TBCD: variants seen among roughly 807,000 people sequenced by gnomAD.
TBCD encodes tubulin-specific chaperone D.
TBCD carries 105 observed loss-of-function variants against 169.3 expected under a neutral mutation model. The observed-to-expected ratio is 0.62, with a 90% CI of 0.53 to 0.73. TBCD has a LOEUF of 0.73. TBCD is among the 30% of genes least tolerant of loss of function. TBCD has a pLI of 0.00. For synonymous variants in TBCD, 700 were observed against 643.9 expected (o/e 1.09, Z -1.32); for missense variants, 1,444 against 1,600.1 (o/e 0.90, Z 1.66).
At chr17:82,838,601 T>G (rs2054188061) in intron 13 of TBCD, 1 of 973,240 alleles carries the variant, frequency 1.0e-6, no homozygotes, top group Non-Finnish European at 1.2e-6. Context: ...CTACCCACTG[T>G]GATGTCGCAA....
chr17:82,852,315 C>G (rs1427515918), intron 13 of TBCD, among the ~76,000 whole-genome samples: 2 of 152,138 alleles, frequency 1.3e-5, no homozygotes, highest in Non-Finnish European at 2.9e-5. Flanking sequence ...CAGCAGTGCT[C>G]CTTTTCTTTT....
At position 82,789,983 on chromosome 17, in the gene TBCD, A is replaced by G. The variant is rs1426333644; in HGVS notation, c.772-7774A>G. Among the ~76,000 whole-genome samples the G allele has an allele frequency of 6.6e-6, 1 of 151,876 alleles. No individual in the cohort carries two copies. Among genetic ancestry groups the G allele is most frequent in the East Asian group, 1.9e-4 (1 of 5,158 alleles). ...CCGTGTTCCCTCCCGCTGTCCGCTC[A>G]CACCTGCCTGTGTGGACGTGGCTCT... On this transcript the variant is annotated intron_variant, in intron 7 of 38. Coordinates refer to ENST00000355528, the MANE Select transcript of TBCD (RefSeq NM_005993.5). This position sits in a 1 kb window ranked among gnomAD's most constrained non-coding sequence, Gnocchi z 4.8.
intron 16 of TBCD, among the ~76,000 whole-genome samples, chr17:82,891,277 G>C (rs1432835600): frequency 4.6e-5 from 7 of 152,208 alleles, no homozygotes; most frequent in Non-Finnish European, 1.5e-5. Context: ...GAAAGGAAAG[G>C]CCTTTACACT....
chr17:82,831,363 C>A lies in TBCD; in HGVS notation c.1318+16429C>A. 1 of 1,614,110 alleles carries A rather than the reference C, an allele frequency of 6.2e-7. No homozygotes were observed. Among genetic ancestry groups the A allele is most frequent in the East Asian group, 2.2e-5 (1 of 44,886 alleles). ...TTCTGTTGGGGTCCGAAGGGTTTAA[C>A]CTGGAAGGACTCGAGGCTGGATAGA... On this transcript the variant is annotated intron_variant, in intron 13 of 38. Coordinates refer to ENST00000355528, the MANE Select transcript of TBCD (RefSeq NM_005993.5). The surrounding 1 kb of genome is among the most constrained non-coding windows in gnomAD (Gnocchi z 4.6).
chr17:82,809,753 T>C lies in TBCD; in HGVS notation c.1194T>C (p.Asp398=). The C allele has an allele frequency of 6.2e-7, 1 of 1,613,576 alleles. No homozygotes were observed. The highest frequency in any genetic ancestry group is 1.3e-5 in the African/African-American group (1 of 75,026). The change falls in exon 12 of 39, where the codon GAT becomes GAC. Residue 398 remains aspartate, a synonymous_variant. Coordinates refer to ENST00000355528, the MANE Select transcript of TBCD (RefSeq NM_005993.5). ...AGRLPRALAD[D]VVGSVLDCFS... is the part of the protein sequence containing the mutation. ...GGCTTCCCAGAGCCCTGGCGGATGA[T>C]GTGGTCGGGTCTGTGCTGGACTGCT...
intron 17 of TBCD, among the ~76,000 whole-genome samples, chr17:82,897,362 G>A (rs1054412193): frequency 2.8e-4 from 42 of 151,876 alleles, no homozygotes; most frequent in African/African-American, 9.4e-4. Flanking sequence ...TACCAAAAAT[G>A]CAAAAATTAG....
rs1366294768 is a variant in TBCD at position 82,870,215 on chromosome 17, C to T, written c.1319-9C>T. On this transcript the variant is annotated splice_polypyrimidine_tract_variant and intron_variant, in intron 13 of 38. Coordinates refer to ENST00000355528, the MANE Select transcript of TBCD (RefSeq NM_005993.5). ...GCTCCTCACCGTCTTTTCTCTTGTC[C>T]TTGCCCAGTTGTCGCCGTGATCCTG... is the stretch of plus-strand genomic sequence containing the variant. The T allele has an allele frequency of 6.2e-7, 1 of 1,612,726 alleles. No individual in the cohort carries two copies. Among genetic ancestry groups the T allele is most frequent in the East Asian group, 2.2e-5 (1 of 44,870 alleles).
At chr17:82,838,795 C>G in intron 13 of TBCD, 1 of 985,136 alleles carries the variant, frequency 1.0e-6, no homozygotes. Flanking sequence ...GGGCTCTTAA[C>G]TCTAGTTTCG....
At chr17:82,840,823 G>A (rs892841468) in intron 13 of TBCD, among the ~76,000 whole-genome samples, 4 of 152,332 alleles carry the variant, frequency 2.6e-5, no homozygotes, top group African/African-American at 9.6e-5. Flanking sequence ...AGGCTGGCAT[G>A]TGGTGTCGGT....
chr17:82,810,757 C>T (rs1227862126), intron 12 of TBCD, among the ~76,000 whole-genome samples: 2 of 152,346 alleles, frequency 1.3e-5, no homozygotes, highest in East Asian at 3.9e-4. Flanking sequence ...TGCTGTTGCT[C>T]TTCATTAGCC....
In TBCD at chr17:82,930,039, C is replaced by T. The variant is rs1043704784; in HGVS notation, c.2992-483C>T. On this transcript the variant is annotated intron_variant, in intron 32 of 38. Coordinates refer to ENST00000355528, the MANE Select transcript of TBCD (RefSeq NM_005993.5). This position sits in a 1 kb window ranked among gnomAD's most constrained non-coding sequence, Gnocchi z 5.2. ...GACAGCTGCTAAGTCCTAGAAAACA[C>T]GTAACAGGACGTGAGGTGCCCTCTG... 1.9e-5 allele frequency: 5 copies of T among 262,362 alleles called. No individual in the cohort carries two copies. The highest frequency in any genetic ancestry group is 9.6e-5 in the South Asian group (2 of 20,832). 16.3% of individuals were successfully genotyped at this position (262,362 alleles called of 1,614,324 possible). A position where few individuals can be genotyped will look rare whatever the true frequency, so the allele number is the denominator to read the frequency against.
intron 14 of TBCD, among the ~76,000 whole-genome samples, chr17:82,878,299 T>C (rs925255626): frequency 3.3e-5 from 5 of 152,208 alleles, no homozygotes; most frequent in African/African-American, 1.2e-4. Flanking sequence ...TGCCATAAAA[T>C]TCACCCCTTT....
At chr17:82,919,136 G>C (rs554053435) in intron 23 of TBCD, among the ~76,000 whole-genome samples, 109 of 152,216 alleles carry the variant, frequency 7.2e-4, no homozygotes, top group East Asian at 3.1e-3. Flanking sequence ...TTACGGGGGG[G>C]GCCCAGAGTC....
chr17:82,851,606 T>A (rs1313380752), intron 13 of TBCD, among the ~76,000 whole-genome samples: 1 of 152,186 alleles, frequency 6.6e-6, no homozygotes, highest in Non-Finnish European at 1.5e-5. Context: ...AGGTTCACTC[T>A]GCACAGGGCG....
At chr17:82,863,842 G>C (rs2056967781) in intron 13 of TBCD, among the ~76,000 whole-genome samples, 1 of 152,340 alleles carries the variant, frequency 6.6e-6, no homozygotes, top group African/African-American at 2.4e-5. Flanking sequence ...GGTGATGGGG[G>C]CAGAGAGGGT....
In TBCD at chr17:82,942,727, C is replaced by A. The variant is rs1475038883; in HGVS notation, c.*264C>A. On this transcript the variant is annotated 3_prime_UTR_variant, in exon 39 of 39. Coordinates refer to ENST00000355528, the MANE Select transcript of TBCD (RefSeq NM_005993.5). ...GAAGTTCCTGCCTTTTGTCTCTGAGCCTGATGTGTGTAGGGGTGATGGAAA... is the reference window on the plus strand; with the variant it reads ...GAAGTTCCTGCCTTTTGTCTCTGAGACTGATGTGTGTAGGGGTGATGGAAA... 25 of 583,512 alleles carry A rather than the reference C, an allele frequency of 4.3e-5. No individual in the cohort carries two copies. The highest frequency in any genetic ancestry group is 6.7e-5 in the Non-Finnish European group (22 of 327,254). 36.1% of individuals were successfully genotyped at this position (583,512 alleles called of 1,614,324 possible).
At position 82,875,905 on chromosome 17, in the gene TBCD, T is replaced by C. The variant is rs559434056; in HGVS notation, c.1475+5525T>C. On this transcript the variant is annotated intron_variant, in intron 14 of 38. Coordinates refer to ENST00000355528, the MANE Select transcript of TBCD (RefSeq NM_005993.5). ...CGTGTTTTACCACTGTGTTGATTAGTGTGAGCTTTGGTTCTTGGGGGTTAG... is the reference window on the plus strand; with the variant it reads ...CGTGTTTTACCACTGTGTTGATTAGCGTGAGCTTTGGTTCTTGGGGGTTAG... Among the ~76,000 whole-genome samples the C allele has an allele frequency of 7.9e-5, 12 of 152,228 alleles. No individual in the cohort carries two copies. The East Asian group carries it at 1.7e-3, about 22-fold the overall frequency.
At chr17:82,786,840 T>G (rs2049351913) in intron 7 of TBCD, among the ~76,000 whole-genome samples, 1 of 100,966 alleles carries the variant, frequency 9.9e-6, no homozygotes, top group Non-Finnish European at 2.1e-5. Context: ...TTTTTTTTTT[T>G]GATGATCTTG....
intron 6 of TBCD, among the ~76,000 whole-genome samples, chr17:82,773,224 G>A (rs553490447): frequency 2.0e-5 from 3 of 152,172 alleles, no homozygotes; most frequent in Non-Finnish European, 2.9e-5. Context: ...CTCATGCAGC[G>A]TCACCTTCAC....
Sources: gnomAD v4.1 joint callset for allele counts (sites outside exome capture counted in the v4.1 genomes callset) on GRCh38, gnomAD v4.1.1 for gene constraint, Gnocchi (gnomAD v3.1) non-coding constraint, MANE v1.5 for transcripts, NCBI Gene and HGNC (gene_info 2026-07-23, HGNC 2026-07-21) for gene names.